Variants in PRKG1 observed in about 807,000 individuals in gnomAD.
PRKG1 encodes the protein protein kinase cGMP-dependent 1, also known as cGMP-dependent protein kinase 1.
A neutral mutation model predicts 88.1 loss-of-function variants in PRKG1; 35 were observed. The ratio of observed to expected loss-of-function variants is 0.40; its 90% CI spans 0.30 to 0.53. The LOEUF (loss-of-function observed/expected upper bound fraction) is 0.53. PRKG1 is among the 20% of genes least tolerant of loss of function. The probability of loss-of-function intolerance (pLI) is 0.59; values close to 1 mark genes in which losing one functional copy is unlikely to be tolerated. For missense variants in PRKG1, 540 were observed against 839.8 expected (o/e 0.64, Z 4.41); for synonymous variants, 303 against 292.5 (o/e 1.04, Z -0.37).
chr10:52,291,915 T>C (rs900718277), intron 17 of PRKG1, among the ~76,000 whole-genome samples: 2 of 152,150 alleles, frequency 1.3e-5, no homozygotes, highest in African/African-American at 4.8e-5. Context: ...CCAGCACCTG[T>C]TGTTTCCTGA....
intron 3 of PRKG1, among the ~76,000 whole-genome samples, chr10:51,546,816 C>G (rs1842453616): frequency 6.6e-6 from 1 of 152,042 alleles, no homozygotes; most frequent in African/African-American, 2.4e-5. Flanking sequence ...CATGGGCATC[C>G]CCACACATTT....
chr10:51,555,568 G>A (rs568648276), intron 3 of PRKG1, among the ~76,000 whole-genome samples: 9 of 152,004 alleles, frequency 5.9e-5, no homozygotes, highest in South Asian at 2.1e-4. Flanking sequence ...AAGTTTCTCT[G>A]CTTTATCGGG....
chr10:51,929,562 G>A (rs1842646605), intron 5 of PRKG1, among the ~76,000 whole-genome samples: 1 of 151,906 alleles, frequency 6.6e-6, no homozygotes, highest in Non-Finnish European at 1.5e-5. Context: ...TGTTGGCCAG[G>A]CTGGCCTTGA....
chr10:51,001,458 C>T (rs1384092378), intron 1 of PRKG1, among the ~76,000 whole-genome samples: 1 of 152,112 alleles, frequency 6.6e-6, no homozygotes, highest in African/African-American at 2.4e-5. Flanking sequence ...CATTTATTTT[C>T]CCTTAATCTG....
intron 2 of PRKG1, among the ~76,000 whole-genome samples, chr10:51,391,934 G>GA (rs1837415775): frequency 6.6e-6 from 1 of 152,154 alleles, no homozygotes; most frequent in Non-Finnish European, 1.5e-5. Context: ...CCTTGCCCAT[G>GA]AAAGTTATGA....
At chr10:51,090,733 C>T (rs182178605) in intron 1 of PRKG1, among the ~76,000 whole-genome samples, 1 of 152,182 alleles carries the variant, frequency 6.6e-6, no homozygotes, top group East Asian at 1.9e-4. Flanking sequence ...CATTTGCAGC[C>T]ACTATATATG....
chr10:51,408,514 G>A (rs1837987050), intron 2 of PRKG1, among the ~76,000 whole-genome samples: 1 of 152,194 alleles, frequency 6.6e-6, no homozygotes, highest in African/African-American at 2.4e-5. Context: ...GTATTCCAGT[G>A]AGGCCAAACC....
At chr10:51,015,991 C>T (rs761597109) in intron 1 of PRKG1, among the ~76,000 whole-genome samples, 11 of 152,122 alleles carry the variant, frequency 7.2e-5, no homozygotes, top group Non-Finnish European at 1.5e-4. Context: ...GGCAAAGGGA[C>T]TAGAAGATCA....
At chr10:51,590,498 A>C (rs978212055) in intron 3 of PRKG1, among the ~76,000 whole-genome samples, 1 of 152,232 alleles carries the variant, frequency 6.6e-6, no homozygotes, top group Admixed American at 6.5e-5. Context: ...TTTAGATTGT[A>C]AGAAGAATAT....
chr10:51,459,539 CT>C (rs1460104969), intron 2 of PRKG1, among the ~76,000 whole-genome samples: 1 of 152,106 alleles, frequency 6.6e-6, no homozygotes, highest in Admixed American at 6.6e-5. Context: ...TCTTTAAAAA[CT>C]ACTCAACGTA....
intron 5 of PRKG1, among the ~76,000 whole-genome samples, chr10:52,001,754 G>A (rs1296588532): frequency 6.6e-6 from 1 of 151,958 alleles, no homozygotes; most frequent in African/African-American, 2.4e-5. Flanking sequence ...GTACAGAATT[G>A]TCATCTCAAC....
At chr10:51,495,845 T>G (rs1409350) in intron 3 of PRKG1, among the ~76,000 whole-genome samples, 15,037 of 152,212 alleles carry the variant, frequency 0.099, 2,341 homozygotes, top group African/African-American at 0.33. Context: ...TTAAAAGTGA[T>G]GTAGGTATGA....
intron 7 of PRKG1, among the ~76,000 whole-genome samples, chr10:52,115,739 T>A (rs924353361): frequency 6.6e-6 from 1 of 152,154 alleles, no homozygotes; most frequent in Non-Finnish European, 1.5e-5. Context: ...GACTATAAAC[T>A]CTTTGAGGGC....
intron 7 of PRKG1, among the ~76,000 whole-genome samples, chr10:52,067,772 G>A (rs191497532): frequency 1.9e-4 from 29 of 151,802 alleles, no homozygotes; most frequent in Admixed American, 1.4e-3. Context: ...CAAAGAGAGG[G>A]TAAAATGTTT....
chr10:51,275,310 A>C (rs760570346), intron 2 of PRKG1, among the ~76,000 whole-genome samples: 1 of 152,244 alleles, frequency 6.6e-6, no homozygotes, highest in Non-Finnish European at 1.5e-5. Flanking sequence ...CCAGAATGTG[A>C]AAATGATCTT....
rs552738193 is a variant in PRKG1 at position 51,804,311 on chromosome 10, T to A, written c.593-274T>A. On this transcript the variant is annotated intron_variant, in intron 3 of 17. Coordinates refer to ENST00000373980, the MANE Select transcript of PRKG1 (RefSeq NM_006258.4). Reference sequence around the variant, plus strand: ...ATACTTTCTATGTGGGCTTAGACAATCAACCCCCAAGGGTCATAGAGCAAG... The same window carrying A: ...ATACTTTCTATGTGGGCTTAGACAAACAACCCCCAAGGGTCATAGAGCAAG... Among the ~76,000 whole-genome samples the A allele has an allele frequency of 2.0e-5, 3 of 152,198 alleles. No homozygotes were observed. The South Asian group carries it at 6.2e-4, about 32-fold the overall frequency.
chr10:51,586,106 C>T (rs1428916095), intron 3 of PRKG1, among the ~76,000 whole-genome samples: 1 of 152,030 alleles, frequency 6.6e-6, no homozygotes, highest in Non-Finnish European at 1.5e-5. Context: ...CAAACCTGCA[C>T]ATATACCTTC....
At chr10:51,163,805 T>A (rs1388825494) in intron 2 of PRKG1, among the ~76,000 whole-genome samples, 2 of 152,116 alleles carry the variant, frequency 1.3e-5, no homozygotes. Flanking sequence ...AGCACAGCAG[T>A]CTGAGATCAA....
At chr10:52,148,982 TTAGG>T (rs1837818563) in intron 8 of PRKG1, among the ~76,000 whole-genome samples, 3 of 134,006 alleles carry the variant, frequency 2.2e-5, no homozygotes, top group Non-Finnish European at 3.2e-5. Context: ...TTTTTTTTTT[TTAGG>T]TTTGGAAAGA....
Sources: allele counts gnomAD v4.1 joint callset (sites outside exome capture counted in the v4.1 genomes callset), GRCh38; gene constraint gnomAD v4.1.1; transcripts MANE v1.5; gene names NCBI Gene and HGNC (gene_info 2026-07-23, HGNC 2026-07-21).